KLHL36: variants seen among roughly 807,000 people sequenced by gnomAD.
The protein encoded by KLHL36 is kelch like family member 36, also known as kelch-like protein 36.
In KLHL36, 35 loss-of-function variants were observed where a neutral mutation model predicts 53.3. That is an observed-to-expected ratio of 0.66 (90% CI 0.50 to 0.87). KLHL36 has a LOEUF of 0.87. Among genes scored for constraint, KLHL36 ranks in the 40% least tolerant of loss-of-function variants. KLHL36 has a pLI of 0.00. For synonymous variants in KLHL36, 472 were observed against 398.9 expected (o/e 1.18, Z -2.18); for missense variants, 864 against 897.6 (o/e 0.96, Z 0.48).
chr16:84,658,659 C>T (rs1407247110), intron 3 of KLHL36: 3 of 152,236 alleles, frequency 2.0e-5, no homozygotes, highest in African/African-American at 7.2e-5. Context: ...TGCAGTAGCT[C>T]ATGTTGACTG....
In KLHL36 at chr16:84,657,758, C is replaced by T; in HGVS notation, c.951C>T (p.Tyr317=). 2 of 1,611,828 alleles carry T rather than the reference C, an allele frequency of 1.2e-6. No homozygotes were observed. Among genetic ancestry groups the T allele is most frequent in the South Asian group, 1.1e-5 (1 of 90,980 alleles). ...TGGAGCTCAGTGACGACACCTGCTACCTGGACGCCAAGAGCGAGCAGTGGG... is the reference window on the plus strand; with the variant it reads ...TGGAGCTCAGTGACGACACCTGCTATCTGGACGCCAAGAGCGAGCAGTGGG... ...RCLELSDDTC[Y]LDAKSEQWVK... is the part of the protein sequence containing the mutation. Residue 317 remains tyrosine (Y), a synonymous_variant, in exon 3 of 5, where the codon TAC becomes TAT. Coordinates refer to ENST00000564996, the MANE Select transcript of KLHL36 (RefSeq NM_024731.4).
In KLHL36 at chr16:84,662,367, T is replaced by G; in HGVS notation, c.*234T>G. The stretch of plus-strand genomic sequence containing the variant: ...CAGGCAGTGAGCAACCCCTTGTATC[T>G]TCACAGGTCTTTGCCCCGTGTTATG... On this transcript the variant is annotated 3_prime_UTR_variant, in exon 5 of 5. Coordinates refer to ENST00000564996, the MANE Select transcript of KLHL36 (RefSeq NM_024731.4). 1 of 447,760 alleles carries G rather than the reference T, an allele frequency of 2.2e-6. No individual in the cohort carries two copies. The highest frequency in any genetic ancestry group is 4.0e-6 in the Non-Finnish European group (1 of 248,622). 27.7% of individuals were successfully genotyped at this position (447,760 alleles called of 1,614,324 possible).
chr16:84,662,380 G>A lies in KLHL36; in HGVS notation c.*247G>A, dbSNP rs916523300. The A allele has an allele frequency of 2.2e-5, 9 of 410,068 alleles. No individual in the cohort carries two copies. The highest frequency in any genetic ancestry group is 3.9e-5 in the Admixed American group (1 of 25,712). The allele number at this position is 410,068 out of a possible 1,614,324, so 25.4% of individuals were successfully genotyped here. On this transcript the variant is annotated 3_prime_UTR_variant, in exon 5 of 5. Coordinates refer to ENST00000564996, the MANE Select transcript of KLHL36 (RefSeq NM_024731.4). ...ACCCCTTGTATCTTCACAGGTCTTT[G>A]CCCCGTGTTATGATTCCTCATGGGT...
intron 2 of KLHL36, among the ~76,000 whole-genome samples, chr16:84,651,744 A>C (rs1906896885): frequency 1.3e-5 from 2 of 152,040 alleles, no homozygotes; most frequent in Non-Finnish European, 2.9e-5. Context: ...AAGGAATTTT[A>C]CTCCTTTTAT....
At chr16:84,651,210 C>T (rs1248460303) in intron 2 of KLHL36, among the ~76,000 whole-genome samples, 2 of 152,064 alleles carry the variant, frequency 1.3e-5, no homozygotes, top group Admixed American at 1.3e-4. Context: ...ATTCGTTAAC[C>T]CAAGGAGGTG....
chr16:84,661,761 C>A lies in KLHL36; in HGVS notation c.1479C>A (p.Asp493Glu), dbSNP rs780617168. The A allele has an allele frequency of 5.0e-6, 8 of 1,613,362 alleles. No homozygotes were observed. In the Admixed American group the frequency reaches 1.3e-4, roughly 27 times the overall value. ...GGCACAGCATGTGCAGCCTGGGTGA[C>A]AGCATCTACTCCATCGGGGGCAGCG... Reference protein sequence around the residue: ...RGWHSMCSLGDSIYSIGGSDD... With the variant: ...RGWHSMCSLGESIYSIGGSDD... Residue 493 changes from aspartate to glutamate, a missense_variant, in exon 5 of 5, where the codon GAC becomes GAA. Coordinates refer to ENST00000564996, the MANE Select transcript of KLHL36 (RefSeq NM_024731.4). The surrounding 1 kb of genome is among the most constrained non-coding windows in gnomAD (Gnocchi z 7.9).
chr16:84,653,840 C>CAA (rs67608719), intron 2 of KLHL36, among the ~76,000 whole-genome samples: 2,491 of 111,590 alleles, frequency 0.022, 89 homozygotes, highest in African/African-American at 0.075. Context: ...GCTCTGTATC[C>CAA]AAAAAAAAAA....
intron 2 of KLHL36, among the ~76,000 whole-genome samples, chr16:84,655,450 G>T (rs1907144055): frequency 6.6e-6 from 1 of 152,144 alleles, no homozygotes; most frequent in Admixed American, 6.5e-5. Context: ...GGTAGCGTGT[G>T]CCTGTAGTCC....
Position 84,657,922 on chromosome 16 carries a change from C to A in KLHL36, c.1115C>A (p.Pro372His). ...AASNLLYRYD[P>H]RCKQWIKVAS... ...TCCAATCTTCTTTATAGGTATGACC[C>A]CCGCTGTAAACAGTGGATCAAGGTG... Residue 372 changes from proline (P) to histidine (H), a missense_variant, in exon 3 of 5, where the codon CCC becomes CAC. Coordinates refer to ENST00000564996, the MANE Select transcript of KLHL36 (RefSeq NM_024731.4). 6.5e-7 allele frequency: 1 copy of A among 1,526,790 alleles called. No individual in the cohort carries two copies. The allele number at this position is 1,526,790 out of a possible 1,614,324, so 94.6% of individuals were successfully genotyped here.
Position 84,657,641 on chromosome 16 carries a change from G to C in KLHL36, c.834G>C (p.Ala278=), listed in dbSNP as rs766840130. 1.9e-6 allele frequency: 3 copies of C among 1,611,998 alleles called. No homozygotes were observed. The highest frequency in any genetic ancestry group is 2.5e-6 in the Non-Finnish European group (3 of 1,179,594). The part of the protein sequence containing the change: ...EEAVRYHNNL[A]AQPVMQTKRT... The stretch of plus-strand genomic sequence containing the variant: ...CCGTGCGCTACCACAACAACCTGGC[G>C]GCCCAGCCCGTCATGCAGACCAAGC... Residue 278 remains alanine, a synonymous_variant, in exon 3 of 5, where the codon GCG becomes GCC. Transcript: ENST00000564996.
At chr16:84,660,036 G>C in intron 4 of KLHL36, 119 bp downstream of exon 4, 5 of 1,052,456 alleles carry the variant, frequency 4.8e-6, no homozygotes, top group Non-Finnish European at 7.0e-6. Flanking sequence ...AAATCTTCCG[G>C]CTTGTCAGGA....
At chr16:84,650,481 G>C (rs537202399) in intron 1 of KLHL36, among the ~76,000 whole-genome samples, 1 of 152,176 alleles carries the variant, frequency 6.6e-6, no homozygotes, top group East Asian at 1.9e-4. Context: ...ATCTTTGTGG[G>C]GGTTAAATGA....
At chr16:84,659,673 C>T (rs975781032) in intron 3 of KLHL36, 87 bp from the exon 4 acceptor site, 26 of 1,367,384 alleles carry the variant, frequency 1.9e-5, no homozygotes, top group African/African-American at 1.4e-5. Flanking sequence ...TTGTGCATTC[C>T]GCAGACACAT....
At chr16:84,656,810 C>A in intron 2 of KLHL36, 61 bp from the exon 3 acceptor site, 1 of 1,281,944 alleles carries the variant, frequency 7.8e-7, no homozygotes, top group Non-Finnish European at 1.1e-6. Context: ...TCAGGACCCA[C>A]TGGGTTGGAC....
rs377513466 is a variant in KLHL36, at chr16:84,656,873, A to T, written c.66A>T (p.Val22=). ...RPYKISESSK[V]YRWADHSSTV... Reference sequence around the variant, plus strand: ...TCTAATGTGTCTTCTCTGTCCAGGTATACCGCTGGGCCGACCACTCAAGCA... The same window carrying T: ...TCTAATGTGTCTTCTCTGTCCAGGTTTACCGCTGGGCCGACCACTCAAGCA... Residue 22 remains valine (V), a splice_region_variant and synonymous_variant, in exon 3 of 5, where the codon GTA becomes GTT. Coordinates refer to ENST00000564996, the MANE Select transcript of KLHL36 (RefSeq NM_024731.4). The T allele has an allele frequency of 8.7e-6, 14 of 1,602,784 alleles. No individual in the cohort carries two copies. Among genetic ancestry groups the T allele is most frequent in the African/African-American group, 1.3e-5 (1 of 74,760 alleles).
intron 2 of KLHL36, among the ~76,000 whole-genome samples, chr16:84,656,268 T>G (rs967099606): frequency 2.6e-5 from 4 of 151,248 alleles, no homozygotes; most frequent in African/African-American, 9.7e-5. Flanking sequence ...TTGTTTTGTT[T>G]GTTTGTTTTT....
At chr16:84,651,082 A>C (rs1450889232) in intron 2 of KLHL36, 152 bp downstream of exon 2, 8 of 627,316 alleles carry the variant, frequency 1.3e-5, no homozygotes, top group Non-Finnish European at 1.4e-5. Context: ...GGCAAGGAGC[A>C]GAAATTGTCA....
intron 2 of KLHL36, among the ~76,000 whole-genome samples, chr16:84,655,459 C>A (rs1276986854): frequency 2.6e-5 from 4 of 152,146 alleles, no homozygotes; most frequent in African/African-American, 4.8e-5. Context: ...TGCCTGTAGT[C>A]CCAGTTACTC....
intron 2 of KLHL36, among the ~76,000 whole-genome samples, 187 bp from the exon 3 acceptor site, chr16:84,656,684 A>G (rs1015107249): frequency 3.6e-5 from 3 of 82,846 alleles, no homozygotes; most frequent in African/African-American, 5.2e-5. Flanking sequence ...TAAGAGAAGG[A>G]AAAAAAAAAC....
Sources: gnomAD v4.1 joint callset for allele counts (sites outside exome capture counted in the v4.1 genomes callset) on GRCh38, gnomAD v4.1.1 for gene constraint, Gnocchi (gnomAD v3.1) non-coding constraint, MANE v1.5 for transcripts, NCBI Gene and HGNC (gene_info 2026-07-23, HGNC 2026-07-21) for gene names.